Variants in CAMK2D observed in about 807,000 individuals in gnomAD.
The protein encoded by CAMK2D is calcium/calmodulin-dependent protein kinase type II subunit delta.
CAMK2D carries 37 observed loss-of-function variants against 84.0 expected under a neutral mutation model. The observed-to-expected ratio is 0.44, with a 90% CI of 0.34 to 0.58. The LOEUF is 0.58. CAMK2D is among the 20% of genes least tolerant of loss of function. CAMK2D has a pLI of 0.02. For synonymous variants in CAMK2D, 202 were observed against 212.5 expected (o/e 0.95, Z 0.43); for missense variants, 448 against 652.5 (o/e 0.69, Z 3.41).
intron 2 of CAMK2D, among the ~76,000 whole-genome samples, chr4:113,725,969 A>G (rs771025315): frequency 4.6e-5 from 7 of 152,212 alleles, no homozygotes; most frequent in Non-Finnish European, 1.0e-4. Flanking sequence ...TTTGAATACT[A>G]TGGTCAACAA....
At chr4:113,575,074 G>A (rs1158163536) in intron 4 of CAMK2D, among the ~76,000 whole-genome samples, 1 of 152,144 alleles carries the variant, frequency 6.6e-6, no homozygotes, top group Non-Finnish European at 1.5e-5. Context: ...CAAAACTCAG[G>A]TAGTAAATGT....
At chr4:113,676,726 T>A (rs72895913) in intron 2 of CAMK2D, among the ~76,000 whole-genome samples, 7,447 of 152,288 alleles carry the variant, frequency 0.049, 279 homozygotes, top group African/African-American at 0.1. Context: ...ATTCTTATCA[T>A]CAAGGATGGA....
intron 2 of CAMK2D, among the ~76,000 whole-genome samples, chr4:113,688,233 C>CTACAGATCT (rs1259290805): frequency 1.2e-4 from 19 of 152,140 alleles, no homozygotes; most frequent in South Asian, 4.1e-4. Flanking sequence ...ATCTGCCAAA[C>CTACAGATCT]GTGTGTCCCT....
chr4:113,681,615 GA>G (rs1159040676), intron 2 of CAMK2D, among the ~76,000 whole-genome samples: 1 of 152,094 alleles, frequency 6.6e-6, no homozygotes, highest in Non-Finnish European at 1.5e-5. Flanking sequence ...CCAGTCCCAA[GA>G]AAACATTCAC....
intron 4 of CAMK2D, among the ~76,000 whole-genome samples, chr4:113,570,291 T>C (rs542406767): frequency 6.6e-6 from 1 of 152,264 alleles, no homozygotes; most frequent in East Asian, 1.9e-4. Context: ...CTAAAATTTG[T>C]ATGCAACCAT....
chr4:113,577,490 A>G (rs1005726733), intron 4 of CAMK2D, among the ~76,000 whole-genome samples: 3 of 152,154 alleles, frequency 2.0e-5, no homozygotes, highest in Non-Finnish European at 4.4e-5. Context: ...TATACTGATC[A>G]TAAGTCTTCT....
intron 3 of CAMK2D, among the ~76,000 whole-genome samples, chr4:113,640,723 T>C (rs1156236550): frequency 6.6e-6 from 1 of 152,040 alleles, no homozygotes; most frequent in Non-Finnish European, 1.5e-5. Context: ...GCTTAGAAAA[T>C]AAATGTGCAT....
intron 2 of CAMK2D, among the ~76,000 whole-genome samples, chr4:113,666,474 C>A (rs757076877): frequency 2.1e-4 from 32 of 152,052 alleles, no homozygotes; most frequent in Non-Finnish European, 4.1e-4. Context: ...CCCACAGGTA[C>A]CTGCACCACC....
At chr4:113,659,463 G>A (rs1458845740) in intron 3 of CAMK2D, among the ~76,000 whole-genome samples, 1 of 152,168 alleles carries the variant, frequency 6.6e-6, no homozygotes, top group Non-Finnish European at 1.5e-5. Context: ...GTCTAAAGGG[G>A]TAATTAGGTG....
intron 3 of CAMK2D, among the ~76,000 whole-genome samples, chr4:113,633,196 A>G (rs2099097110): frequency 6.6e-6 from 1 of 152,240 alleles, no homozygotes; most frequent in Non-Finnish European, 1.5e-5. Context: ...AATAAATTTA[A>G]GAAAACATTA....
intron 4 of CAMK2D, among the ~76,000 whole-genome samples, chr4:113,586,209 A>G (rs2098833532): frequency 1.3e-5 from 2 of 152,188 alleles, no homozygotes; most frequent in Admixed American, 1.3e-4. Context: ...CTCAATTTTC[A>G]TAGAGTTGTT....
chr4:113,614,263 C>T lies in CAMK2D; in HGVS notation c.221-5057G>A, dbSNP rs141940429. Among the ~76,000 whole-genome samples, 79 of 152,124 alleles carry T rather than the reference C, an allele frequency of 5.2e-4. No homozygotes were observed. The East Asian group carries it at 9.7e-3, about 19-fold the overall frequency. On this transcript the variant is annotated intron_variant, in intron 3 of 20. Transcript: ENST00000511664. ...TCAAATTATACTGATTCTTACTCTGCCATACAACCCAAACTCACTATCTGT... is the reference window on the plus strand; with the variant it reads ...TCAAATTATACTGATTCTTACTCTGTCATACAACCCAAACTCACTATCTGT...
intron 16 of CAMK2D, among the ~76,000 whole-genome samples, chr4:113,494,268 G>T (rs2097892477): frequency 6.6e-6 from 1 of 152,188 alleles, no homozygotes; most frequent in Non-Finnish European, 1.5e-5. Flanking sequence ...CAACTTTGTG[G>T]TTTTATCTAC....
At chr4:113,723,057 T>G (rs1382265923) in intron 2 of CAMK2D, among the ~76,000 whole-genome samples, 2 of 152,090 alleles carry the variant, frequency 1.3e-5, no homozygotes, top group Non-Finnish European at 2.9e-5. Context: ...AATAATACTA[T>G]AACTCTTAAG....
intron 2 of CAMK2D, among the ~76,000 whole-genome samples, chr4:113,728,463 G>A (rs377431050): frequency 2.0e-5 from 3 of 152,126 alleles, no homozygotes; most frequent in Non-Finnish European, 4.4e-5. Flanking sequence ...GAGGATGTTG[G>A]GGGAAAACTG....
intron 2 of CAMK2D, among the ~76,000 whole-genome samples, chr4:113,715,262 T>C (rs1168173276): frequency 6.6e-6 from 1 of 152,108 alleles, no homozygotes; most frequent in Non-Finnish European, 1.5e-5. Context: ...TCTGCAAATA[T>C]TGAGAATTTG....
At chr4:113,525,637 C>T (rs78946696) in intron 8 of CAMK2D, among the ~76,000 whole-genome samples, 9,922 of 152,160 alleles carry the variant, frequency 0.065, 621 homozygotes, top group East Asian at 0.21. Context: ...CAGATAATTG[C>T]ATGATTCTAA....
chr4:113,509,553 AAAGACT>A, intron 13 of CAMK2D, 79 bp downstream of exon 13: 1 of 875,842 alleles, frequency 1.1e-6, no homozygotes, highest in Non-Finnish European at 1.9e-6. Flanking sequence ...TAGAACTTGC[AAAGACT>A]TAGGAATTAT....
At chr4:113,685,753 G>A (rs574624505) in intron 2 of CAMK2D, among the ~76,000 whole-genome samples, 1 of 152,110 alleles carries the variant, frequency 6.6e-6, no homozygotes, top group Admixed American at 6.5e-5. Context: ...GTGGAGTATG[G>A]AACCAGAGAA....
Sources: gnomAD v4.1 joint callset for allele counts (sites outside exome capture counted in the v4.1 genomes callset) on GRCh38, gnomAD v4.1.1 for gene constraint, MANE v1.5 for transcripts, NCBI Gene and HGNC (gene_info 2026-07-23, HGNC 2026-07-21) for gene names.